Variants in KIAA0930 observed in about 807,000 individuals in gnomAD.
The protein encoded by KIAA0930 is uncharacterized protein KIAA0930.
In KIAA0930, 24 loss-of-function variants were observed where a neutral mutation model predicts 43.9. The observed-to-expected ratio is 0.55, with a 90% CI of 0.40 to 0.77. The LOEUF is 0.77. Ranked by LOEUF, KIAA0930 falls within the 30% of genes least tolerant of loss-of-function variation. The probability of loss-of-function intolerance (pLI) is 0.00; values close to 1 mark genes in which losing one functional copy is unlikely to be tolerated. For synonymous variants in KIAA0930, 259 were observed against 216.4 expected (o/e 1.20, Z -1.73); for missense variants, 461 against 574.2 (o/e 0.80, Z 2.02).
intron 1 of KIAA0930, among the ~76,000 whole-genome samples, chr22:45,227,650 C>T (rs1261096977): frequency 6.6e-6 from 1 of 151,830 alleles, no homozygotes; most frequent in Non-Finnish European, 1.5e-5. Flanking sequence ...GCTGCCAATA[C>T]AATACTGGAG....
At chr22:45,237,042 T>G (rs945312556) in intron 1 of KIAA0930, among the ~76,000 whole-genome samples, 1 of 152,198 alleles carries the variant, frequency 6.6e-6, no homozygotes, top group Non-Finnish European at 1.5e-5. Context: ...GCTGCCCCTG[T>G]TGAAAGGGAG....
intron 5 of KIAA0930, 124 bp downstream of exon 5, chr22:45,205,093 C>A: frequency 1.4e-6 from 1 of 739,880 alleles, no homozygotes; most frequent in Non-Finnish European, 2.4e-6. Flanking sequence ...TCTGCCTCAG[C>A]CGGACTCTTC....
intron 1 of KIAA0930, among the ~76,000 whole-genome samples, chr22:45,232,996 G>T (rs1349707690): frequency 6.6e-6 from 1 of 152,162 alleles, no homozygotes; most frequent in Non-Finnish European, 1.5e-5. Context: ...GGTTCATGCT[G>T]TTGGGGCTCA....
Position 45,205,622 on chromosome 22 carries a change from G to C in KIAA0930, c.414+8C>G. 6.2e-7 allele frequency: 1 copy of C among 1,613,650 alleles called. No homozygotes were observed. On this transcript the variant is annotated splice_region_variant and intron_variant, in intron 4 of 9. Coordinates refer to ENST00000336156, the MANE Select transcript of KIAA0930 (RefSeq NM_001009880.2). ...TAGGAGGCTGGGGGCTCTCGTGCCA[G>C]GGCTCACCTGAGATTTCTTCTTATG...
intron 1 of KIAA0930, among the ~76,000 whole-genome samples, chr22:45,228,734 C>T (rs866009969): frequency 7.9e-4 from 84 of 106,540 alleles, no homozygotes; most frequent in African/African-American, 3.2e-3. Context: ...AGATCCCTCT[C>T]CACCCCCCTA....
At chr22:45,225,946 C>G (rs889653641) in intron 1 of KIAA0930, among the ~76,000 whole-genome samples, 1 of 152,264 alleles carries the variant, frequency 6.6e-6, no homozygotes, top group East Asian at 1.9e-4. Flanking sequence ...CCCCACCTGC[C>G]TGCAAAGCCA....
intron 1 of KIAA0930, among the ~76,000 whole-genome samples, chr22:45,217,063 A>G (rs2083737386): frequency 6.6e-6 from 1 of 152,158 alleles, no homozygotes; most frequent in Non-Finnish European, 1.5e-5. Flanking sequence ...TTTCTCTTTC[A>G]AGACACTTTA....
At chr22:45,225,091 C>CTCTTT (rs2083790570) in intron 1 of KIAA0930, among the ~76,000 whole-genome samples, 1 of 152,148 alleles carries the variant, frequency 6.6e-6, no homozygotes, top group South Asian at 2.1e-4. Flanking sequence ...GTCAACTGGA[C>CTCTTT]TCTTTGGGGA....
chr22:45,214,853 C>A (rs1019910495), intron 1 of KIAA0930, among the ~76,000 whole-genome samples: 1 of 151,892 alleles, frequency 6.6e-6, no homozygotes, highest in Non-Finnish European at 1.5e-5. Flanking sequence ...AGGCTGCAGT[C>A]AGCTATGATC....
At chr22:45,234,539 G>A (rs1425829592) in intron 1 of KIAA0930, among the ~76,000 whole-genome samples, 5 of 152,188 alleles carry the variant, frequency 3.3e-5, no homozygotes, top group East Asian at 1.9e-4. Flanking sequence ...CTTCAGCCCC[G>A]TGAACACCCG....
chr22:45,233,474 C>T (rs911579860), intron 1 of KIAA0930, among the ~76,000 whole-genome samples: 4 of 152,176 alleles, frequency 2.6e-5, no homozygotes, highest in Non-Finnish European at 4.4e-5. Flanking sequence ...TGGGAAAGCT[C>T]CCCTCAGCAC....
intron 1 of KIAA0930, among the ~76,000 whole-genome samples, chr22:45,219,864 AC>A (rs1379098308): frequency 6.6e-5 from 10 of 152,144 alleles, no homozygotes; most frequent in African/African-American, 2.2e-4. Flanking sequence ...TGCTGGGATT[AC>A]AGGTGTGAAC....
chr22:45,226,505 A>C lies in KIAA0930; in HGVS notation c.64+14135T>G, dbSNP rs183304763. Reference sequence around the variant, plus strand: ...CTCCTCTAAGCAACAATTCCCACAAAGCCCCCTACCTCCTGTGACCACCGC... The same window carrying C: ...CTCCTCTAAGCAACAATTCCCACAACGCCCCCTACCTCCTGTGACCACCGC... On this transcript the variant is annotated intron_variant, in intron 1 of 9. Coordinates refer to ENST00000336156, the MANE Select transcript of KIAA0930 (RefSeq NM_001009880.2). 301 of 344,036 alleles carry C rather than the reference A, an allele frequency of 8.7e-4. 2 individuals are homozygous for C. Among genetic ancestry groups the C allele is most frequent in the Middle Eastern group, 1.1e-3 (1 of 952 alleles). 21.3% of individuals were successfully genotyped at this position (344,036 alleles called of 1,614,324 possible).
In KIAA0930 at chr22:45,240,747, T is replaced by G; in HGVS notation, c.-44A>C. The G allele has an allele frequency of 1.1e-6, 1 of 877,688 alleles. No homozygotes were observed. 54.4% of individuals were successfully genotyped at this position (877,688 alleles called of 1,614,324 possible). A position where few individuals can be genotyped will look rare whatever the true frequency, so the allele number is the denominator to read the frequency against. On this transcript the variant is annotated 5_prime_UTR_variant, in exon 1 of 10. Coordinates refer to ENST00000336156, the MANE Select transcript of KIAA0930 (RefSeq NM_001009880.2). ...CTCGGCCTCGGCGCCGCCCGCAGGC[T>G]CGGGGGCGGCGGCGGCGGGGAGGGC... is the stretch of plus-strand genomic sequence containing the variant.
chr22:45,231,712 G>A (rs564806651), intron 1 of KIAA0930, among the ~76,000 whole-genome samples: 3 of 152,124 alleles, frequency 2.0e-5, no homozygotes, highest in African/African-American at 7.2e-5. Context: ...AAATTAACAG[G>A]CACACCAGGC....
chr22:45,231,297 C>T (rs2147765556), intron 1 of KIAA0930, among the ~76,000 whole-genome samples: 1 of 152,024 alleles, frequency 6.6e-6, no homozygotes, highest in African/African-American at 2.4e-5. Flanking sequence ...CTTATGAAGG[C>T]TCCTGTATCA....
chr22:45,239,078 C>T (rs1189569863), intron 1 of KIAA0930, among the ~76,000 whole-genome samples: 2 of 152,186 alleles, frequency 1.3e-5, no homozygotes, highest in African/African-American at 4.8e-5. Context: ...CCTGCAGCCT[C>T]CTTGCGGGAG....
intron 1 of KIAA0930, among the ~76,000 whole-genome samples, chr22:45,228,176 C>G (rs2083814539): frequency 1.3e-5 from 2 of 152,082 alleles, no homozygotes; most frequent in Admixed American, 6.6e-5. Flanking sequence ...GGGTGTGATT[C>G]TTCTCGCTTG....
In KIAA0930 at chr22:45,194,660, AAAAC is replaced by A. The variant is rs2083520540; in HGVS notation, c.*2512_*2515del. 6.6e-6 allele frequency: 1 copy of A among 152,206 alleles called. No homozygotes were observed. Among genetic ancestry groups the A allele is most frequent in the Non-Finnish European group, 1.5e-5 (1 of 68,046 alleles). 9.4% of individuals were successfully genotyped at this position (152,206 alleles called of 1,614,324 possible). ...TCCACATGTCATCTGTTACTTTGGA[AAAAC>A]AAACCTGGGAGTAACACCTTACTGT... On this transcript the variant is annotated 3_prime_UTR_variant, in exon 10 of 10. Coordinates refer to ENST00000336156, the MANE Select transcript of KIAA0930 (RefSeq NM_001009880.2).
Sources: allele counts gnomAD v4.1 joint callset (sites outside exome capture counted in the v4.1 genomes callset), GRCh38; gene constraint gnomAD v4.1.1; transcripts MANE v1.5; gene names NCBI Gene and HGNC (gene_info 2026-07-23, HGNC 2026-07-21).